The following PCDH9 variants were observed in gnomAD, a reference collection of about 807,000 sequenced individuals.
PCDH9 encodes protocadherin 9.
A neutral mutation model predicts 70.6 loss-of-function variants in PCDH9; 24 were observed. The observed-to-expected ratio is 0.34, with a 90% CI of 0.25 to 0.48. The LOEUF (loss-of-function observed/expected upper bound fraction) is 0.48. Among genes scored for constraint, PCDH9 ranks in the 20% least tolerant of loss-of-function variants. The pLI is 0.99. For synonymous variants in PCDH9, 562 were observed against 558.5 expected (o/e 1.01, Z -0.09); for missense variants, 1,281 against 1,503.6 (o/e 0.85, Z 2.45).
intron 2 of PCDH9, among the ~76,000 whole-genome samples, chr13:66,990,472 A>G (rs556066629): frequency 6.6e-6 from 1 of 151,304 alleles, no homozygotes; most frequent in African/African-American, 2.4e-5. Flanking sequence ...TTTGCTTAAT[A>G]TATCATATTC....
At chr13:66,515,636 A>C (rs570824466) in intron 4 of PCDH9, among the ~76,000 whole-genome samples, 33 of 152,100 alleles carry the variant, frequency 2.2e-4, no homozygotes, top group South Asian at 1.9e-3. Context: ...TCCATGTAGT[A>C]TGCACATAGA....
intron 3 of PCDH9, among the ~76,000 whole-genome samples, chr13:66,888,424 C>A (rs114591183): frequency 1.3e-5 from 2 of 151,726 alleles, no homozygotes; most frequent in African/African-American, 4.9e-5. Flanking sequence ...ATTGCTTGAG[C>A]CTGCACCAAG....
chr13:66,751,558 A>G (rs2079459818), intron 3 of PCDH9, among the ~76,000 whole-genome samples: 1 of 152,148 alleles, frequency 6.6e-6, no homozygotes, highest in Admixed American at 6.6e-5. Context: ...TATGTTAACA[A>G]TTATGTCTCA....
At chr13:66,755,693 A>G (rs2079528969) in intron 3 of PCDH9, among the ~76,000 whole-genome samples, 1 of 152,156 alleles carries the variant, frequency 6.6e-6, no homozygotes, top group African/African-American at 2.4e-5. Flanking sequence ...AGATGTTGGT[A>G]AATGGGGTGG....
intron 2 of PCDH9, among the ~76,000 whole-genome samples, chr13:66,998,208 A>G (rs1001486454): frequency 5.9e-5 from 9 of 152,210 alleles, no homozygotes; most frequent in Non-Finnish European, 1.2e-4. Context: ...GGCCCGAGGA[A>G]CAAATCAAGG....
At chr13:67,084,980 AAAAAAAAAAAAAAAAAAATATATAT>A (rs1356191111) in intron 2 of PCDH9, among the ~76,000 whole-genome samples, 3 of 70,538 alleles carry the variant, frequency 4.3e-5, no homozygotes, top group Non-Finnish European at 8.2e-5. Context: ...AAAAAAAAAA[AAAAAAAAAAAAAAAAAAATATATAT>A]ATATATATAT....
At chr13:67,104,715 AT>A (rs945932724) in intron 2 of PCDH9, among the ~76,000 whole-genome samples, 8 of 151,906 alleles carry the variant, frequency 5.3e-5, no homozygotes, top group Non-Finnish European at 1.0e-4. Flanking sequence ...CGCTAGGCTA[AT>A]TTTTTTGTAT....
intron 3 of PCDH9, among the ~76,000 whole-genome samples, chr13:66,667,282 A>G (rs1328279766): frequency 1.3e-5 from 2 of 152,202 alleles, no homozygotes; most frequent in Admixed American, 1.3e-4. Context: ...CATCCCTGTG[A>G]AAGCTCTTTC....
intron 4 of PCDH9, among the ~76,000 whole-genome samples, chr13:66,504,643 A>G (rs1261453559): frequency 1.3e-5 from 2 of 152,192 alleles, no homozygotes; most frequent in African/African-American, 4.8e-5. Context: ...GGAGACTATC[A>G]ACTTTGCTTA....
chr13:67,022,799 GA>G (rs146748533), intron 2 of PCDH9, among the ~76,000 whole-genome samples: 6,935 of 150,932 alleles, frequency 0.046, 282 homozygotes, highest in African/African-American at 0.11. Context: ...CTCCGTTAGA[GA>G]AAAAAAAAGA....
intron 2 of PCDH9, among the ~76,000 whole-genome samples, chr13:67,063,903 T>C (rs1348781513): frequency 1.3e-5 from 2 of 152,146 alleles, no homozygotes. Context: ...ATGATATTTA[T>C]ATAGTGTCAA....
At chr13:66,932,659 C>CATATATATAT (rs199791250) in intron 2 of PCDH9, among the ~76,000 whole-genome samples, 114 of 130,340 alleles carry the variant, frequency 8.7e-4, no homozygotes, top group South Asian at 1.5e-3. Flanking sequence ...TAAATCCTCA[C>CATATATATAT]ATATATATAT....
chr13:66,972,044 G>A lies in PCDH9; in HGVS notation c.3037-68439C>T, dbSNP rs1012591765. 5.3e-5 allele frequency among the ~76,000 whole-genome samples: 8 copies of A among 151,828 alleles called. No homozygotes were observed. The South Asian group carries it at 1.0e-3, about 20-fold the overall frequency. On this transcript the variant is annotated intron_variant, in intron 2 of 4. Coordinates refer to ENST00000377865, the MANE Select transcript of PCDH9 (RefSeq NM_203487.3). Reference sequence around the variant, plus strand: ...GAATGGAAACATTCTTAACACCAAGGAAGAAAATTAAGTTGGGCCATGATA... The same window carrying A: ...GAATGGAAACATTCTTAACACCAAGAAAGAAAATTAAGTTGGGCCATGATA...
chr13:66,932,887 A>G (rs2139665268), intron 2 of PCDH9, among the ~76,000 whole-genome samples: 1 of 151,302 alleles, frequency 6.6e-6, no homozygotes, highest in Non-Finnish European at 1.5e-5. Context: ...TGTACAAAGT[A>G]GCCAGTTGTT....
intron 2 of PCDH9, among the ~76,000 whole-genome samples, chr13:67,095,435 T>C (rs1342533085): frequency 6.6e-6 from 1 of 152,186 alleles, no homozygotes; most frequent in Non-Finnish European, 1.5e-5. Context: ...TTCATACGTT[T>C]ATGTGGGTAA....
At chr13:67,070,483 T>A (rs969859300) in intron 2 of PCDH9, among the ~76,000 whole-genome samples, 1 of 152,158 alleles carries the variant, frequency 6.6e-6, no homozygotes, top group Non-Finnish European at 1.5e-5. Context: ...AAAGTAGCCT[T>A]TATTACTTTT....
At chr13:66,854,260 A>G (rs2081359715) in intron 3 of PCDH9, among the ~76,000 whole-genome samples, 1 of 152,150 alleles carries the variant, frequency 6.6e-6, no homozygotes, top group Admixed American at 6.6e-5. Flanking sequence ...TTTGTCTGTA[A>G]AACAGCAGTA....
intron 4 of PCDH9, among the ~76,000 whole-genome samples, chr13:66,466,259 C>A (rs1194524837): frequency 6.7e-6 from 1 of 149,698 alleles, no homozygotes; most frequent in Non-Finnish European, 1.5e-5. Context: ...TTAGAAATAT[C>A]TTTTACTGTC....
intron 3 of PCDH9, among the ~76,000 whole-genome samples, chr13:66,719,514 G>A (rs192433764): frequency 3.5e-4 from 54 of 152,266 alleles, no homozygotes; most frequent in African/African-American, 1.3e-3. Flanking sequence ...GAGCTCTCAT[G>A]AGACACTGAA....
Sources: gnomAD v4.1 joint callset for allele counts (sites outside exome capture counted in the v4.1 genomes callset) on GRCh38, gnomAD v4.1.1 for gene constraint, MANE v1.5 for transcripts, NCBI Gene and HGNC (gene_info 2026-07-23, HGNC 2026-07-21) for gene names.